The following CHRNA3 variants were observed in gnomAD, a reference collection of about 807,000 sequenced individuals.
CHRNA3 encodes the protein neuronal acetylcholine receptor subunit alpha-3.
A neutral mutation model predicts 41.9 loss-of-function variants in CHRNA3; 34 were observed. The ratio of observed to expected loss-of-function variants is 0.81; its 90% CI spans 0.62 to 1.08. The LOEUF (loss-of-function observed/expected upper bound fraction) is 1.08. Ranked by LOEUF, CHRNA3 falls within the 50% of genes least tolerant of loss-of-function variation. CHRNA3 has a pLI of 0.00. For synonymous variants in CHRNA3, 281 were observed against 265.2 expected, an observed-to-expected ratio of 1.06 and a Z score of -0.58; for missense variants, 542 against 638.3, an observed-to-expected ratio of 0.85 and a Z score of 1.63.
At chr15:78,600,531 G>A (rs1305343117) in intron 5 of CHRNA3, among the ~76,000 whole-genome samples, 4 of 151,908 alleles carry the variant, frequency 2.6e-5, no homozygotes. Flanking sequence ...CACTGAAGAG[G>A]TGTGCACTTT....
intron 3 of CHRNA3, 139 bp downstream of exon 3, chr15:78,618,478 A>G (rs2053498642): frequency 1.1e-6 from 1 of 914,436 alleles, no homozygotes. Flanking sequence ...TAGAAGAGAT[A>G]TATCTGCCAG....
downstream of CHRNA3, chr15:78,594,359 A>T (rs756032243): frequency 6.6e-6 from 1 of 152,118 alleles, no homozygotes; most frequent in African/African-American, 2.4e-5. Context: ...TCAGTCCACT[A>T]CAATTACATG....
At chr15:78,604,741 G>A (rs959548194) in intron 4 of CHRNA3, among the ~76,000 whole-genome samples, 3 of 152,124 alleles carry the variant, frequency 2.0e-5, no homozygotes, top group Non-Finnish European at 4.4e-5. Flanking sequence ...AGCTGGGTGT[G>A]GTGGCTCACA....
intron 4 of CHRNA3, among the ~76,000 whole-genome samples, chr15:78,604,748 C>T (rs1283222989): frequency 6.6e-6 from 1 of 152,194 alleles, no homozygotes; most frequent in Non-Finnish European, 1.5e-5. Context: ...TGTGGTGGCT[C>T]ACACCTGTAA....
At chr15:78,613,900 C>A (rs2053423691) in intron 4 of CHRNA3, among the ~76,000 whole-genome samples, 1 of 151,446 alleles carries the variant, frequency 6.6e-6, no homozygotes, top group Non-Finnish European at 1.5e-5. Flanking sequence ...GAGCCCAGAT[C>A]ATGCCACTGC....
chr15:78,596,145 G>A lies in CHRNA3; in HGVS notation c.*459C>T. 2 of 985,688 alleles carry A rather than the reference G, an allele frequency of 2.0e-6. No individual in the cohort carries two copies. The highest frequency in any genetic ancestry group is 2.4e-6 in the Non-Finnish European group (2 of 830,124). 61.1% of individuals were successfully genotyped at this position (985,688 alleles called of 1,614,324 possible). A position where few individuals can be genotyped will look rare whatever the true frequency, so the allele number is the denominator to read the frequency against. Reference sequence around the variant, plus strand: ...TTAGACCCAGTAAAGAACGAGAAATGCATGGTAAGAAATGGGTAACGATGG... The same window carrying A: ...TTAGACCCAGTAAAGAACGAGAAATACATGGTAAGAAATGGGTAACGATGG... On this transcript the variant is annotated 3_prime_UTR_variant, in exon 6 of 6. Transcript: ENST00000326828.
At chr15:78,602,854 C>T (rs1427017784) in intron 4 of CHRNA3, among the ~76,000 whole-genome samples, 2 of 152,288 alleles carry the variant, frequency 1.3e-5, no homozygotes, top group South Asian at 2.1e-4. Context: ...CTCCCCACCC[C>T]CATTCTTCCC....
chr15:78,600,538 C>A (rs2053181099), intron 5 of CHRNA3, among the ~76,000 whole-genome samples: 1 of 151,836 alleles, frequency 6.6e-6, no homozygotes, highest in Admixed American at 6.6e-5. Context: ...GAGGTGTGCA[C>A]TTTACTCCAC....
At chr15:78,600,000 G>A (rs1157369304) in intron 5 of CHRNA3, 7 of 107,088 alleles carry the variant, frequency 6.5e-5, no homozygotes, top group African/African-American at 2.1e-4. Context: ...CTGGGTGACA[G>A]AGCAAGACTC....
intron 5 of CHRNA3, among the ~76,000 whole-genome samples, chr15:78,597,751 G>C (rs1291933414): frequency 1.3e-5 from 2 of 152,122 alleles, no homozygotes; most frequent in Admixed American, 6.6e-5. Context: ...AATTCAGAAA[G>C]CAAAGAAGCC....
At chr15:78,602,922 G>A (rs1012726408) in intron 4 of CHRNA3, among the ~76,000 whole-genome samples, 1 of 152,070 alleles carries the variant, frequency 6.6e-6, no homozygotes, top group African/African-American at 2.4e-5. Context: ...CAGCCTAACA[G>A]GTTTCTTCAC....
chr15:78,603,919 CCA>C (rs781090338), intron 4 of CHRNA3, among the ~76,000 whole-genome samples: 2 of 152,102 alleles, frequency 1.3e-5, no homozygotes, highest in Non-Finnish European at 2.9e-5. Context: ...AGGTGAACAT[CCA>C]CACAGTCCCC....
rs1334226695 is a variant in CHRNA3, at chr15:78,602,239, C to T, written c.403G>A (p.Asp135Asn). The change falls in exon 5 of 6, where the codon GAC becomes AAC. Residue 135 changes from aspartate to asparagine, a missense_variant. Coordinates refer to ENST00000326828, the MANE Select transcript of CHRNA3 (RefSeq NM_000743.5). ...TACTTGAGTAAGGCTTTGGTCTTGTCGTCCACCTGGAAATCCCCAACAGCA... is the reference window on the plus strand; with the variant it reads ...TACTTGAGTAAGGCTTTGGTCTTGTTGTCCACCTGGAAATCCCCAACAGCA... ...NNAVGDFQVD[D>N]KTKALLKYTG... is the part of the protein sequence containing the mutation. 1.2e-6 allele frequency: 2 copies of T among 1,613,678 alleles called. No individual in the cohort carries two copies. Among genetic ancestry groups the T allele is most frequent in the East Asian group, 2.2e-5 (1 of 44,872 alleles).
Position 78,596,752 on chromosome 15 carries a change from A to G in CHRNA3, c.1390-20T>C. 6.3e-7 allele frequency: 1 copy of G among 1,589,728 alleles called. No individual in the cohort carries two copies. The highest frequency in any genetic ancestry group is 1.2e-5 in the South Asian group (1 of 86,424). On this transcript the variant is annotated intron_variant, in intron 5 of 5. Coordinates refer to ENST00000326828, the MANE Select transcript of CHRNA3 (RefSeq NM_000743.5). ...TTGAATCTGCAAAACAAAATGATAA[A>G]AGAAAAAAAACATGGAGGGAAAGGC... is the stretch of plus-strand genomic sequence containing the variant.
At chr15:78,617,289 G>A (rs976899321) in intron 3 of CHRNA3, among the ~76,000 whole-genome samples, 156 bp from the exon 4 acceptor site, 6 of 152,150 alleles carry the variant, frequency 3.9e-5, no homozygotes, top group African/African-American at 1.4e-4. Context: ...TCTCCTGTGG[G>A]TGTAGTGCAG....
rs1242393663 is a variant in CHRNA3 at position 78,601,892 on chromosome 15, G to A, written c.750C>T (p.Ile250=). 2 of 1,614,018 alleles carry A rather than the reference G, an allele frequency of 1.2e-6. No individual in the cohort carries two copies. The highest frequency in any genetic ancestry group is 1.3e-5 in the African/African-American group (1 of 74,916). Residue 250 remains isoleucine, a synonymous_variant, in exon 5 of 6, where the codon ATC becomes ATT. Transcript: ENST00000326828. ...LPLFYTINLI[I]PCLLISFLTV... is the part of the protein sequence containing the mutation. ...TGAGGAAGGAGATGAGCAGGCAGGGGATGATGAGGTTGATGGTGTAGAACA... is the reference window on the plus strand; with the variant it reads ...TGAGGAAGGAGATGAGCAGGCAGGGAATGATGAGGTTGATGGTGTAGAACA...
intron 4 of CHRNA3, 146 bp downstream of exon 4, chr15:78,616,878 T>C (rs1412847170): frequency 3.4e-6 from 2 of 594,694 alleles, no homozygotes; most frequent in African/African-American, 1.9e-5. Flanking sequence ...TATGTAGTAG[T>C]TGCTGATTAC....
At chr15:78,608,009 C>T (rs891786760) in intron 4 of CHRNA3, among the ~76,000 whole-genome samples, 8 of 152,182 alleles carry the variant, frequency 5.3e-5, no homozygotes, top group Admixed American at 1.3e-4. Context: ...AAGGCGGCAG[C>T]GATGCTGGGG....
chr15:78,597,771 T>C (rs1162181222), intron 5 of CHRNA3, among the ~76,000 whole-genome samples: 4 of 152,158 alleles, frequency 2.6e-5, no homozygotes, highest in African/African-American at 7.2e-5. Context: ...CATAATTGAA[T>C]TGAGAGAACC....
Sources: allele counts gnomAD v4.1 joint callset (sites outside exome capture counted in the v4.1 genomes callset), GRCh38; gene constraint gnomAD v4.1.1; transcripts MANE v1.5; gene names NCBI Gene and HGNC (gene_info 2026-07-23, HGNC 2026-07-21).